AOAH: variants seen among roughly 807,000 people sequenced by gnomAD.
The protein encoded by AOAH is acyloxyacyl hydrolase (neutrophil).
Under a neutral mutation model 92.2 loss-of-function variants are expected in AOAH, and 64 were observed. That is an observed-to-expected ratio of 0.69 (90% CI 0.57 to 0.86). The LOEUF is 0.86. AOAH is among the 40% of genes least tolerant of loss of function. AOAH has a pLI of 0.00. For synonymous variants in AOAH, 263 were observed against 254.5 expected (o/e 1.03, Z -0.32); for missense variants, 656 against 694.6 (o/e 0.94, Z 0.62).
At chr7:36,528,128 C>A (rs913879438) in intron 19 of AOAH, among the ~76,000 whole-genome samples, 17 of 152,188 alleles carry the variant, frequency 1.1e-4, no homozygotes, top group Middle Eastern at 3.4e-3. Context: ...TAGTGGGGTG[C>A]CCACTAACTT....
intron 4 of AOAH, 77 bp downstream of exon 4, chr7:36,659,089 C>T (rs1795048170): frequency 1.6e-6 from 2 of 1,228,940 alleles, no homozygotes; most frequent in Non-Finnish European, 2.4e-6. Flanking sequence ...CGAGTAAAAG[C>T]TAAGCCTCCC....
intron 1 of AOAH, among the ~76,000 whole-genome samples, chr7:36,709,143 T>C (rs2116947192): frequency 6.6e-6 from 1 of 152,298 alleles, no homozygotes; most frequent in South Asian, 2.1e-4. Flanking sequence ...AACTTATGGC[T>C]GATCACCGTT....
chr7:36,691,295 G>A (rs1797382490), intron 1 of AOAH, among the ~76,000 whole-genome samples: 1 of 152,218 alleles, frequency 6.6e-6, no homozygotes, highest in South Asian at 2.1e-4. Flanking sequence ...AGGGGAAATT[G>A]AGACTTGAAC....
At chr7:36,685,502 C>G (rs761175277) in intron 2 of AOAH, among the ~76,000 whole-genome samples, 35 of 152,080 alleles carry the variant, frequency 2.3e-4, no homozygotes, top group Non-Finnish European at 4.9e-4. Context: ...ATTTGCTTTG[C>G]GTGGTTTTCT....
chr7:36,678,247 C>A (rs1279258252), intron 2 of AOAH, among the ~76,000 whole-genome samples: 2 of 152,132 alleles, frequency 1.3e-5, no homozygotes, highest in Non-Finnish European at 2.9e-5. Flanking sequence ...CAGTACCAGC[C>A]CACTGGCTTC....
At chr7:36,592,735 G>A (rs1789832824) in intron 12 of AOAH, among the ~76,000 whole-genome samples, 1 of 152,168 alleles carries the variant, frequency 6.6e-6, no homozygotes, top group East Asian at 1.9e-4. Context: ...CTCACAAGGA[G>A]GTTAAATGAG....
intron 6 of AOAH, among the ~76,000 whole-genome samples, chr7:36,626,221 A>G (rs1298926544): frequency 6.6e-6 from 1 of 152,186 alleles, no homozygotes; most frequent in Admixed American, 6.5e-5. Flanking sequence ...CGTAGACCCA[A>G]ACAGCCATAT....
At chr7:36,572,683 C>T (rs1055676637) in intron 13 of AOAH, among the ~76,000 whole-genome samples, 2 of 152,198 alleles carry the variant, frequency 1.3e-5, no homozygotes, top group African/African-American at 4.8e-5. Flanking sequence ...ATTCAGTCTT[C>T]AGCAGCCCCA....
At chr7:36,698,970 T>C (rs1396087947) in intron 1 of AOAH, among the ~76,000 whole-genome samples, 2 of 152,078 alleles carry the variant, frequency 1.3e-5, no homozygotes, top group Non-Finnish European at 2.9e-5. Flanking sequence ...CTCCCCCTAT[T>C]CTTCCTGGCC....
chr7:36,717,280 A>C (rs1454307945), intron 1 of AOAH, among the ~76,000 whole-genome samples: 1 of 152,072 alleles, frequency 6.6e-6, no homozygotes, highest in African/African-American at 2.4e-5. Context: ...CTCCTTTTAG[A>C]GTATCCCTCC....
At chr7:36,548,810 T>A in intron 14 of AOAH, 124 bp from the exon 15 acceptor site, 1 of 730,510 alleles carries the variant, frequency 1.4e-6, no homozygotes, top group Non-Finnish European at 2.3e-6. Context: ...CTTTTTGCTA[T>A]TTTTCTTTCA....
chr7:36,590,123 A>T (rs1354298994), intron 12 of AOAH, among the ~76,000 whole-genome samples: 3 of 151,042 alleles, frequency 2.0e-5, no homozygotes, highest in Admixed American at 6.6e-5. Flanking sequence ...CAGGCTAATT[A>T]AAAAAAAATA....
At chr7:36,673,141 A>C (rs1231273721) in intron 3 of AOAH, among the ~76,000 whole-genome samples, 1 of 152,196 alleles carries the variant, frequency 6.6e-6, no homozygotes, top group East Asian at 1.9e-4. Context: ...AAGTAACTAA[A>C]TAAGAATATA....
At chr7:36,536,676 C>A (rs557093620) in intron 16 of AOAH, among the ~76,000 whole-genome samples, 3 of 152,124 alleles carry the variant, frequency 2.0e-5, no homozygotes, top group Admixed American at 6.5e-5. Flanking sequence ...CAGCTGGGAA[C>A]GGTGGCTCAT....
intron 1 of AOAH, among the ~76,000 whole-genome samples, chr7:36,696,867 GA>G: frequency 6.7e-6 from 1 of 150,162 alleles, no homozygotes; most frequent in African/African-American, 2.4e-5. Flanking sequence ...TACGTCTCCA[GA>G]AACAAAAAAA....
In AOAH at chr7:36,659,221, TC is replaced by T. The variant is rs749790123; in HGVS notation, c.334del (p.Glu112SerfsTer39). On this transcript the variant is annotated frameshift_variant, in exon 4 of 21. Transcript: ENST00000617537. LOFTEE classifies it high-confidence loss of function. Reference sequence around the variant, plus strand: ...TTGGCCAGTGTTCTGTTTACAAAACTCCAGAGTGTGACATACCACATCAGCA... The same window carrying T: ...TTGGCCAGTGTTCTGTTTACAAAACTCAGAGTGTGACATACCACATCAGCA... ...MNADVVCHTLEFCKQNTGQPL... is the reference protein window; with the variant it reads ...MNADVVCHTLXFCKQNTGQPL... 2 of 1,614,108 alleles carry T rather than the reference TC, an allele frequency of 1.2e-6. No homozygotes were observed. The highest frequency in any genetic ancestry group is 4.5e-5 in the East Asian group (2 of 44,888).
intron 1 of AOAH, among the ~76,000 whole-genome samples, chr7:36,713,529 T>G (rs1798917356): frequency 6.6e-6 from 1 of 152,228 alleles, no homozygotes; most frequent in African/African-American, 2.4e-5. Flanking sequence ...ATATACTTTC[T>G]TTTCAGCACC....
At chr7:36,630,551 G>A (rs192241230) in intron 6 of AOAH, among the ~76,000 whole-genome samples, 1 of 152,334 alleles carries the variant, frequency 6.6e-6, no homozygotes, top group East Asian at 1.9e-4. Flanking sequence ...ACACCCAGGA[G>A]TCTAAGTGTG....
At chr7:36,668,728 C>T (rs1584073605) in intron 3 of AOAH, among the ~76,000 whole-genome samples, 1 of 152,228 alleles carries the variant, frequency 6.6e-6, no homozygotes, top group African/African-American at 2.4e-5. Flanking sequence ...CTCAAGTGAT[C>T]CACCTGCCTT....
Sources: allele counts gnomAD v4.1 joint callset (sites outside exome capture counted in the v4.1 genomes callset), GRCh38; gene constraint gnomAD v4.1.1; transcripts MANE v1.5; gene names NCBI Gene and HGNC (gene_info 2026-07-23, HGNC 2026-07-21).